The following TMEM108 variants were observed in gnomAD, a reference collection of about 807,000 sequenced individuals.
TMEM108 encodes the protein cancer/testis antigen 124.
Under a neutral mutation model 35.1 loss-of-function variants are expected in TMEM108, and 12 were observed. The observed-to-expected ratio is 0.34, with a 90% CI of 0.22 to 0.55. TMEM108 has a LOEUF of 0.55. Among genes scored for constraint, TMEM108 ranks in the 20% least tolerant of loss-of-function variants. The probability of loss-of-function intolerance (pLI) is 0.89; values close to 1 mark genes in which losing one functional copy is unlikely to be tolerated. For missense variants in TMEM108, 680 were observed against 753.3 expected, an observed-to-expected ratio of 0.90 and a Z score of 1.14; for synonymous variants, 287 against 308.6, an observed-to-expected ratio of 0.93 and a Z score of 0.73.
intron 2 of TMEM108, among the ~76,000 whole-genome samples, chr3:133,149,384 A>G (rs969384519): frequency 1.3e-5 from 2 of 152,194 alleles, no homozygotes; most frequent in African/African-American, 4.8e-5. Flanking sequence ...AACACTAAAG[A>G]TCTCTTAGCA....
At chr3:133,140,301 C>T (rs1261756026) in intron 2 of TMEM108, among the ~76,000 whole-genome samples, 1 of 152,130 alleles carries the variant, frequency 6.6e-6, no homozygotes, top group Non-Finnish European at 1.5e-5. Flanking sequence ...TCTTGAGTCT[C>T]TTCTATTATC....
intron 3 of TMEM108, among the ~76,000 whole-genome samples, chr3:133,301,714 C>G (rs1480866528): frequency 2.0e-5 from 3 of 152,160 alleles, no homozygotes; most frequent in Non-Finnish European, 4.4e-5. Context: ...GTTTTATACT[C>G]TCTGCAAGCC....
intron 2 of TMEM108, among the ~76,000 whole-genome samples, chr3:133,167,708 A>G (rs9839940): frequency 0.65 from 99,049 of 152,012 alleles, 32,645 homozygotes; most frequent in Middle Eastern, 0.73. Flanking sequence ...CCGAGCCCAC[A>G]CCCACCCGGA....
intron 2 of TMEM108, among the ~76,000 whole-genome samples, chr3:133,213,591 A>G (rs1300336804): frequency 6.6e-6 from 1 of 152,206 alleles, no homozygotes; most frequent in Admixed American, 6.5e-5. Flanking sequence ...CTTTGCAGTG[A>G]GTGACAGATG....
At chr3:133,298,750 T>C (rs1045564760) in intron 3 of TMEM108, among the ~76,000 whole-genome samples, 4 of 152,186 alleles carry the variant, frequency 2.6e-5, no homozygotes, top group Non-Finnish European at 5.9e-5. Context: ...CACAGAGTTG[T>C]GAGTGACAGA....
chr3:133,288,562 G>A (rs113919074), intron 3 of TMEM108, among the ~76,000 whole-genome samples: 23 of 152,200 alleles, frequency 1.5e-4, no homozygotes, highest in African/African-American at 5.5e-4. Flanking sequence ...TGTGATCATG[G>A]GTGTACCTTT....
intron 2 of TMEM108, among the ~76,000 whole-genome samples, chr3:133,092,810 C>T (rs1254013655): frequency 6.6e-6 from 1 of 152,052 alleles, no homozygotes; most frequent in Non-Finnish European, 1.5e-5. Flanking sequence ...TATTATAATA[C>T]ATTCATTCAT....
chr3:133,190,669 C>G (rs1945484693), intron 2 of TMEM108, among the ~76,000 whole-genome samples: 1 of 152,158 alleles, frequency 6.6e-6, no homozygotes, highest in Admixed American at 6.5e-5. Context: ...TGTTTTAAAA[C>G]CTTAAAATGA....
At chr3:133,064,462 A>G (rs573653826) in intron 2 of TMEM108, among the ~76,000 whole-genome samples, 13 of 152,188 alleles carry the variant, frequency 8.5e-5, no homozygotes, top group African/African-American at 3.1e-4. Flanking sequence ...ATTTGTATAA[A>G]TAAAGAGATT....
At chr3:133,388,551 T>A in intron 4 of TMEM108, 1 of 985,410 alleles carries the variant, frequency 1.0e-6, no homozygotes, top group Non-Finnish European at 1.2e-6. Flanking sequence ...ATCTCTCAAA[T>A]CCCCGTTAGC....
chr3:133,160,967 C>T (rs1389719363), intron 2 of TMEM108, among the ~76,000 whole-genome samples: 1 of 152,202 alleles, frequency 6.6e-6, no homozygotes, highest in Non-Finnish European at 1.5e-5. Context: ...ACACCCCTCC[C>T]TGCAATCTTC....
chr3:133,145,841 C>T (rs1415245099), intron 2 of TMEM108, among the ~76,000 whole-genome samples: 1 of 152,160 alleles, frequency 6.6e-6, no homozygotes, highest in Non-Finnish European at 1.5e-5. Context: ...GCTGAAGTTG[C>T]TTATCAGCTT....
At chr3:133,236,908 A>G (rs115268689) in intron 3 of TMEM108, among the ~76,000 whole-genome samples, 14 of 152,198 alleles carry the variant, frequency 9.2e-5, no homozygotes, top group African/African-American at 1.2e-4. Flanking sequence ...CATGTATTCC[A>G]TTAAGATGGA....
chr3:133,150,522 C>G (rs1287383553), intron 2 of TMEM108, among the ~76,000 whole-genome samples: 7 of 151,808 alleles, frequency 4.6e-5, no homozygotes, highest in Non-Finnish European at 8.8e-5. Context: ...TGATGTAGCC[C>G]CACTTGATAT....
chr3:133,263,613 G>A (rs1946655673), intron 3 of TMEM108, among the ~76,000 whole-genome samples: 1 of 152,164 alleles, frequency 6.6e-6, no homozygotes, highest in Admixed American at 6.5e-5. Context: ...TACCATTCAT[G>A]TCAACCCCAG....
At chr3:133,273,329 G>A (rs1212209457) in intron 3 of TMEM108, among the ~76,000 whole-genome samples, 1 of 152,148 alleles carries the variant, frequency 6.6e-6, no homozygotes, top group Non-Finnish European at 1.5e-5. Context: ...CCTACCAAGT[G>A]AACACAGTGG....
chr3:133,323,873 A>G (rs537971224), intron 3 of TMEM108, among the ~76,000 whole-genome samples: 1 of 152,208 alleles, frequency 6.6e-6, no homozygotes, highest in South Asian at 2.1e-4. Flanking sequence ...ATAAAGCCAA[A>G]TATTTATAGC....
intron 2 of TMEM108, among the ~76,000 whole-genome samples, chr3:133,169,502 G>A (rs1358064348): frequency 6.6e-6 from 1 of 152,230 alleles, no homozygotes; most frequent in Non-Finnish European, 1.5e-5. Flanking sequence ...TGTGAATGCT[G>A]CAGATTTCTG....
intron 3 of TMEM108, among the ~76,000 whole-genome samples, chr3:133,329,300 C>G (rs953400424): frequency 6.6e-6 from 1 of 152,150 alleles, no homozygotes; most frequent in Non-Finnish European, 1.5e-5. Flanking sequence ...GTCGCCTTCA[C>G]TAGAATCAGA....
Sources: allele counts gnomAD v4.1 joint callset (sites outside exome capture counted in the v4.1 genomes callset), GRCh38; gene constraint gnomAD v4.1.1; transcripts MANE v1.5; gene names NCBI Gene and HGNC (gene_info 2026-07-23, HGNC 2026-07-21).